Variants in TRMT11 observed in about 807,000 individuals in gnomAD.
The protein encoded by TRMT11 is tRNA methyltransferase 11, also known as tRNA (guanine(10)-N(2))-methyltransferase TRMT11.
Under a neutral mutation model 62.8 loss-of-function variants are expected in TRMT11, and 53 were observed. The ratio of observed to expected loss-of-function variants is 0.84; its 90% CI spans 0.68 to 1.06. The LOEUF is 1.06. Ranked by LOEUF, TRMT11 falls within the 50% of genes least tolerant of loss-of-function variation. The probability of loss-of-function intolerance (pLI) is 0.00; values close to 1 mark genes in which losing one functional copy is unlikely to be tolerated. For missense variants in TRMT11, 556 were observed against 553.4 expected (o/e 1.00, Z -0.05); for synonymous variants, 188 against 190.3 (o/e 0.99, Z 0.10).
the TRMT11 span, among the ~76,000 whole-genome samples, chr6:126,249,525 C>T: frequency 6.6e-6 from 1 of 151,916 alleles, no homozygotes; most frequent in Non-Finnish European, 1.5e-5. Context: ...TTACTTTTAG[C>T]TATAAGAAGA....
At chr6:126,059,736 G>T (rs546773154) in intron 17 of TRMT11, among the ~76,000 whole-genome samples, 3 of 152,148 alleles carry the variant, frequency 2.0e-5, no homozygotes, top group Non-Finnish European at 2.9e-5. Context: ...TGACTGATGA[G>T]ATCTGTGCTT....
intron 21 of TRMT11, among the ~76,000 whole-genome samples, chr6:126,126,049 T>C (rs1466064893): frequency 6.6e-6 from 1 of 152,094 alleles, no homozygotes; most frequent in Non-Finnish European, 1.5e-5. Flanking sequence ...ATGGTCTGTG[T>C]AATTTGCCTA....
the TRMT11 span, among the ~76,000 whole-genome samples, chr6:126,255,648 T>C: frequency 6.6e-6 from 1 of 152,220 alleles, no homozygotes. Flanking sequence ...TTCTGGACAA[T>C]GTCTGACTTT....
At chr6:126,140,842 G>A (rs1328598028) in intron 21 of TRMT11, among the ~76,000 whole-genome samples, 1 of 151,908 alleles carries the variant, frequency 6.6e-6, no homozygotes, top group Non-Finnish European at 1.5e-5. Context: ...GGGAAATTTT[G>A]CTTTTAAAAA....
At chr6:126,066,314 A>G (rs542694523) in intron 17 of TRMT11, among the ~76,000 whole-genome samples, 1 of 152,214 alleles carries the variant, frequency 6.6e-6, no homozygotes, top group Non-Finnish European at 1.5e-5. Flanking sequence ...TTGGGCTGCC[A>G]TAACAGAATA....
chr6:126,232,639 A>G, the TRMT11 span, among the ~76,000 whole-genome samples: 2 of 152,132 alleles, frequency 1.3e-5, no homozygotes, highest in African/African-American at 4.8e-5. Flanking sequence ...ATTAGAAAGA[A>G]GCAACTGCGT....
intron 7 of TRMT11, 48 bp from the exon 8 acceptor site, chr6:126,008,344 G>A (rs1321694713): frequency 1.4e-6 from 2 of 1,467,992 alleles, no homozygotes; most frequent in Non-Finnish European, 1.9e-6. Flanking sequence ...GAACAAACAG[G>A]AGTTTGGGAC....
chr6:126,135,435 A>G (rs528711926), intron 21 of TRMT11, among the ~76,000 whole-genome samples: 1 of 151,926 alleles, frequency 6.6e-6, no homozygotes, highest in South Asian at 2.1e-4. Context: ...AGATTGAACC[A>G]TGAAAAAATA....
chr6:126,156,498 GA>G (rs1165226682), intron 21 of TRMT11, among the ~76,000 whole-genome samples: 2 of 152,226 alleles, frequency 1.3e-5, no homozygotes. Context: ...CTTATCACAA[GA>G]ACAGACTAAC....
intron 21 of TRMT11, among the ~76,000 whole-genome samples, chr6:126,148,353 G>A (rs894589560): frequency 3.3e-5 from 5 of 152,220 alleles, no homozygotes; most frequent in Admixed American, 6.5e-5. Context: ...TTAATTAAAT[G>A]TAGGGGCAGT....
intron 1 of TRMT11, chr6:125,986,853 C>A (rs1372789607): frequency 3.7e-6 from 2 of 536,558 alleles, no homozygotes; most frequent in Admixed American, 3.5e-5. Context: ...TTCTTTTGCC[C>A]GTGTATCAAG....
At chr6:126,221,975 G>A in the TRMT11 span, among the ~76,000 whole-genome samples, 1 of 152,138 alleles carries the variant, frequency 6.6e-6, no homozygotes, top group African/African-American at 2.4e-5. Context: ...TTAATCTTGA[G>A]ATGATTTTTG....
intron 12 of TRMT11, among the ~76,000 whole-genome samples, chr6:126,029,119 G>GT (rs1298511139): frequency 6.6e-6 from 1 of 151,850 alleles, no homozygotes; most frequent in Admixed American, 6.6e-5. Flanking sequence ...GTATACTTTT[G>GT]TATTTTTCTT....
At chr6:126,065,509 A>C (rs1384593091) in intron 17 of TRMT11, among the ~76,000 whole-genome samples, 1 of 152,200 alleles carries the variant, frequency 6.6e-6, no homozygotes, top group African/African-American at 2.4e-5. Context: ...CTGCTGGCTA[A>C]AGTTTGTGGT....
intron 21 of TRMT11, among the ~76,000 whole-genome samples, chr6:126,169,354 G>C (rs1778304004): frequency 6.6e-6 from 1 of 152,218 alleles, no homozygotes; most frequent in Admixed American, 6.5e-5. Context: ...TTAGTGAATG[G>C]AAATGGTCAG....
chr6:126,266,492 TTCTG>T, the TRMT11 span, among the ~76,000 whole-genome samples: 29 of 152,186 alleles, frequency 1.9e-4, no homozygotes, highest in Non-Finnish European at 3.7e-4. Flanking sequence ...ATCCCAGAAA[TTCTG>T]TCTTTCTTTC....
intron 21 of TRMT11, among the ~76,000 whole-genome samples, chr6:126,123,856 T>C (rs1777678000): frequency 6.6e-6 from 1 of 152,134 alleles, no homozygotes; most frequent in South Asian, 2.1e-4. Flanking sequence ...TTTGTTGTTG[T>C]TGTTCTGTCT....
intron 21 of TRMT11, among the ~76,000 whole-genome samples, chr6:126,141,189 T>C (rs1022572477): frequency 4.6e-5 from 7 of 152,104 alleles, no homozygotes; most frequent in African/African-American, 1.7e-4. Flanking sequence ...CTTGGACTAT[T>C]TCTAATCATC....
chr6:126,235,383 A>G, the TRMT11 span, among the ~76,000 whole-genome samples: 1 of 152,208 alleles, frequency 6.6e-6, no homozygotes. Context: ...AAACCATTCT[A>G]TTACAAAGGT....
Sources: allele counts gnomAD v4.1 joint callset (sites outside exome capture counted in the v4.1 genomes callset), GRCh38; gene constraint gnomAD v4.1.1; transcripts MANE v1.5; gene names NCBI Gene and HGNC (gene_info 2026-07-23, HGNC 2026-07-21).